SCD5: variants seen among roughly 807,000 people sequenced by gnomAD.
SCD5 encodes acyl-CoA-desaturase 4.
Under a neutral mutation model 30.4 loss-of-function variants are expected in SCD5, and 20 were observed. The ratio of observed to expected loss-of-function variants is 0.66; its 90% CI spans 0.46 to 0.96. The LOEUF is 0.96. Ranked by LOEUF, SCD5 falls within the 40% of genes least tolerant of loss-of-function variation. The pLI is 0.00. For missense variants in SCD5, 381 were observed against 443.3 expected, an observed-to-expected ratio of 0.86 and a Z score of 1.26; for synonymous variants, 173 against 176.4, an observed-to-expected ratio of 0.98 and a Z score of 0.16.
At chr4:82,679,759 G>A (rs1185871873) in intron 3 of SCD5, among the ~76,000 whole-genome samples, 1 of 152,170 alleles carries the variant, frequency 6.6e-6, no homozygotes, top group Non-Finnish European at 1.5e-5. Context: ...TGGGGGGAAA[G>A]AGCACAGTCC....
At chr4:82,776,917 C>T (rs901920821) in intron 1 of SCD5, among the ~76,000 whole-genome samples, 1 of 152,168 alleles carries the variant, frequency 6.6e-6, no homozygotes, top group African/African-American at 2.4e-5. Context: ...GTTTCTGAAG[C>T]TAAACCTGTA....
chr4:82,675,864 G>A (rs1332742499), intron 3 of SCD5, among the ~76,000 whole-genome samples: 2 of 152,196 alleles, frequency 1.3e-5, no homozygotes. Flanking sequence ...TCTGCTTAAG[G>A]CAGAACAACT....
At chr4:82,646,047 C>A (rs1395555594) in intron 3 of SCD5, among the ~76,000 whole-genome samples, 1 of 152,036 alleles carries the variant, frequency 6.6e-6, no homozygotes, top group African/African-American at 2.4e-5. Flanking sequence ...AATGACCTGC[C>A]GACTTCCAAG....
chr4:82,744,058 T>C (rs1720936343), intron 1 of SCD5, among the ~76,000 whole-genome samples: 1 of 152,108 alleles, frequency 6.6e-6, no homozygotes, highest in Non-Finnish European at 1.5e-5. Context: ...AGTTCTAAGC[T>C]CAACAGATCC....
chr4:82,762,176 G>C lies in SCD5; in HGVS notation c.232+36130C>G, dbSNP rs1721387525. ...GTGAGAGTGAGACCCTGTCTCAAAA[G>C]AAGAGGAGAGGGGAGGGGAAGGGAG... On this transcript the variant is annotated intron_variant, in intron 1 of 4. Transcript: ENST00000319540. 2.3e-5 allele frequency among the ~76,000 whole-genome samples: 3 copies of C among 130,400 alleles called. No homozygotes were observed. The South Asian group carries it at 9.6e-4, about 42-fold the overall frequency. 85.5% of individuals were successfully genotyped at this position (130,400 alleles called of 152,430 possible). A position where few individuals can be genotyped will look rare whatever the true frequency, so the allele number is the denominator to read the frequency against.
chr4:82,760,494 C>T (rs1301344801), intron 1 of SCD5, among the ~76,000 whole-genome samples: 1 of 152,162 alleles, frequency 6.6e-6, no homozygotes, highest in East Asian at 1.9e-4. Flanking sequence ...CTCTCAGGTT[C>T]AAGTGACTCT....
chr4:82,679,220 AAAAG>A (rs796703848), intron 3 of SCD5, among the ~76,000 whole-genome samples: 726 of 32,206 alleles, frequency 0.023, 30 homozygotes, highest in Non-Finnish European at 0.031. Context: ...AAAAAGAAAG[AAAAG>A]AAAGAAAGAA....
rs57463926 is a variant in SCD5 at position 82,740,234 on chromosome 4, C to T, written c.233-34821G>A. Among the ~76,000 whole-genome samples, 1,337 of 152,314 alleles carry T rather than the reference C, an allele frequency of 8.8e-3. 23 individuals carry two copies. Among genetic ancestry groups the T allele is most frequent in the African/African-American group, 0.031 (1,287 of 41,554 alleles). On this transcript the variant is annotated intron_variant, in intron 1 of 4. Coordinates refer to ENST00000319540, the MANE Select transcript of SCD5 (RefSeq NM_001037582.3). ...ATGGAGGAAATAATCAACTTGATTC[C>T]CTCTTCTGTCATTCACCTCTTCCAG...
intron 2 of SCD5, among the ~76,000 whole-genome samples, chr4:82,694,866 T>C (rs1037631589): frequency 6.6e-6 from 1 of 152,136 alleles, no homozygotes; most frequent in Non-Finnish European, 1.5e-5. Flanking sequence ...TTCAAACCCA[T>C]TCTGTTCAAG....
At chr4:82,749,320 G>A (rs571420215) in intron 1 of SCD5, among the ~76,000 whole-genome samples, 4 of 152,136 alleles carry the variant, frequency 2.6e-5, no homozygotes, top group Non-Finnish European at 5.9e-5. Context: ...CCCAGTCCGG[G>A]GTGATAAGGA....
chr4:82,701,322 GAGT>G (rs914362439), intron 2 of SCD5, among the ~76,000 whole-genome samples: 1 of 151,928 alleles, frequency 6.6e-6, no homozygotes, highest in African/African-American at 2.4e-5. Flanking sequence ...AATAGAAAAA[GAGT>G]AGAATACACA....
At chr4:82,738,195 C>T (rs1309626854) in intron 1 of SCD5, among the ~76,000 whole-genome samples, 2 of 152,078 alleles carry the variant, frequency 1.3e-5, no homozygotes, top group Non-Finnish European at 2.9e-5. Context: ...CCTAGGCGGG[C>T]GGATCACGAG....
intron 1 of SCD5, among the ~76,000 whole-genome samples, chr4:82,714,309 C>T (rs974774330): frequency 1.3e-5 from 2 of 152,156 alleles, no homozygotes; most frequent in African/African-American, 2.4e-5. Context: ...CTCTTAAACC[C>T]ACTCAATCAG....
At chr4:82,664,319 T>G (rs1036830190) in intron 3 of SCD5, among the ~76,000 whole-genome samples, 1 of 152,146 alleles carries the variant, frequency 6.6e-6, no homozygotes, top group Non-Finnish European at 1.5e-5. Flanking sequence ...CCACACATAC[T>G]GAAGGTCTGA....
At chr4:82,717,245 G>A (rs942072646) in intron 1 of SCD5, among the ~76,000 whole-genome samples, 4 of 151,940 alleles carry the variant, frequency 2.6e-5, no homozygotes, top group African/African-American at 7.3e-5. Context: ...AGAGGCTCTA[G>A]GGAAAAGATG....
chr4:82,748,397 A>T (rs1721037989), intron 1 of SCD5, among the ~76,000 whole-genome samples: 2 of 152,150 alleles, frequency 1.3e-5, no homozygotes, highest in South Asian at 2.1e-4. Context: ...GTTTCTTTGG[A>T]CCAGCTGGAT....
intron 1 of SCD5, among the ~76,000 whole-genome samples, chr4:82,783,671 C>T (rs1721926623): frequency 6.6e-6 from 1 of 152,040 alleles, no homozygotes; most frequent in Admixed American, 6.5e-5. Context: ...GGCGTGGCAG[C>T]GCATGCCTGT....
chr4:82,648,226 A>G (rs1727671044), intron 3 of SCD5, among the ~76,000 whole-genome samples: 1 of 152,222 alleles, frequency 6.6e-6, no homozygotes, highest in South Asian at 2.1e-4. Flanking sequence ...AGAATGTCTC[A>G]CCAGCTCCCA....
At chr4:82,647,954 C>T (rs1362167040) in intron 3 of SCD5, among the ~76,000 whole-genome samples, 2 of 152,210 alleles carry the variant, frequency 1.3e-5, no homozygotes, top group African/African-American at 4.8e-5. Flanking sequence ...CAAACTTGAC[C>T]TTCCTTGATA....
Sources: allele counts gnomAD v4.1 joint callset (sites outside exome capture counted in the v4.1 genomes callset), GRCh38; gene constraint gnomAD v4.1.1; transcripts MANE v1.5; gene names NCBI Gene and HGNC (gene_info 2026-07-23, HGNC 2026-07-21).